The following GUCY1A2 variants were observed in gnomAD, a reference collection of about 807,000 sequenced individuals.
GUCY1A2 encodes the protein guanylate cyclase 1 soluble subunit alpha 2.
Under a neutral mutation model 63.5 loss-of-function variants are expected in GUCY1A2, and 27 were observed. The ratio of observed to expected loss-of-function variants is 0.43; its 90% CI spans 0.31 to 0.59. GUCY1A2 has a LOEUF of 0.59. GUCY1A2 is among the 20% of genes least tolerant of loss of function. GUCY1A2 has a pLI of 0.11. For missense variants in GUCY1A2, 768 were observed against 913.3 expected, an observed-to-expected ratio of 0.84 and a Z score of 2.05; for synonymous variants, 364 against 343.5, an observed-to-expected ratio of 1.06 and a Z score of -0.66.
chr11:106,896,007 T>C (rs1485726328), intron 4 of GUCY1A2, among the ~76,000 whole-genome samples: 2 of 132,182 alleles, frequency 1.5e-5, no homozygotes, highest in Non-Finnish European at 3.3e-5. Context: ...AGACTCTGTC[T>C]CAAAAAAAAA....
chr11:107,006,616 A>G (rs1160631840), intron 1 of GUCY1A2, among the ~76,000 whole-genome samples: 1 of 152,218 alleles, frequency 6.6e-6, no homozygotes, highest in East Asian at 1.9e-4. Flanking sequence ...AATATGAGAA[A>G]TGGTATGCAC....
chr11:106,898,006 G>T (rs760910700), intron 4 of GUCY1A2, among the ~76,000 whole-genome samples: 13 of 151,946 alleles, frequency 8.6e-5, no homozygotes, highest in Admixed American at 2.0e-4. Flanking sequence ...CAATATTAGG[G>T]AAACAACCCA....
chr11:106,680,822 A>T lies in GUCY1A2; in HGVS notation c.*6727T>A, dbSNP rs2000930. The T allele has an allele frequency of 0.24, 50,635 of 206,818 alleles. 6,417 individuals are homozygous for T. The highest frequency in any genetic ancestry group is 0.31 in the African/African-American group (13,411 of 43,840). 12.8% of individuals were successfully genotyped at this position (206,818 alleles called of 1,614,324 possible). A position where few individuals can be genotyped will look rare whatever the true frequency, so the allele number is the denominator to read the frequency against. ...CCACCATTCAAATGGGTTCATATTC[A>T]TGTTTAGGGGATTGTTTACCTTGCA... On this transcript the variant is annotated 3_prime_UTR_variant, in exon 8 of 8. Transcript: ENST00000526355.
In GUCY1A2 at chr11:106,682,624, C is replaced by T. The variant is rs528837337; in HGVS notation, c.*4925G>A. The T allele has an allele frequency of 8.0e-4, 170 of 211,956 alleles. No homozygotes were observed. Among genetic ancestry groups the T allele is most frequent in the Admixed American group, 2.2e-3 (37 of 17,016 alleles). The allele number at this position is 211,956 out of a possible 1,614,324, so 13.1% of individuals were successfully genotyped here. A position where few individuals can be genotyped will look rare whatever the true frequency, so the allele number is the denominator to read the frequency against. On this transcript the variant is annotated 3_prime_UTR_variant, in exon 8 of 8. Coordinates refer to ENST00000526355, the MANE Select transcript of GUCY1A2 (RefSeq NM_000855.3). ...AGAAATAAAGACACAAACTTTACTT[C>T]TCTGCATTCCCAAGTCCTTCCAAAG...
intron 7 of GUCY1A2, among the ~76,000 whole-genome samples, chr11:106,689,877 C>T (rs1862592196): frequency 6.6e-6 from 1 of 151,818 alleles, no homozygotes; most frequent in Non-Finnish European, 1.5e-5. Context: ...CCCCTGTAAT[C>T]CCAGCTACTT....
intron 4 of GUCY1A2, among the ~76,000 whole-genome samples, chr11:106,924,408 A>C (rs1860491606): frequency 6.6e-6 from 1 of 152,182 alleles, no homozygotes; most frequent in Non-Finnish European, 1.5e-5. Flanking sequence ...AGCCTATCAT[A>C]ATACTTTTTT....
intron 4 of GUCY1A2, among the ~76,000 whole-genome samples, chr11:106,901,123 T>C (rs770310247): frequency 1.1e-4 from 16 of 152,224 alleles, no homozygotes; most frequent in Non-Finnish European, 1.9e-4. Flanking sequence ...TATTATGTAA[T>C]ATCCTAAATC....
intron 4 of GUCY1A2, chr11:106,936,776 G>A (rs1860684052): frequency 2.4e-6 from 2 of 825,564 alleles, no homozygotes; most frequent in East Asian, 5.3e-5. Flanking sequence ...AAACAAAACA[G>A]TTAAATTATG....
chr11:106,786,040 C>A (rs1050938302), intron 5 of GUCY1A2, among the ~76,000 whole-genome samples: 1 of 152,248 alleles, frequency 6.6e-6, no homozygotes, highest in South Asian at 2.1e-4. Context: ...CTACAACAAC[C>A]AGTCCAAATG....
chr11:106,827,874 G>A, intron 4 of GUCY1A2: 23 of 1,591,396 alleles, frequency 1.4e-5, no homozygotes, highest in Non-Finnish European at 1.9e-5. Flanking sequence ...AGTCATGGGA[G>A]GGCGCGCTGC....
chr11:107,016,220 T>C (rs939135954), intron 1 of GUCY1A2, among the ~76,000 whole-genome samples: 18 of 152,160 alleles, frequency 1.2e-4, no homozygotes, highest in African/African-American at 4.3e-4. Flanking sequence ...GTGTTCAGAT[T>C]CATTTCGGAA....
chr11:106,969,684 A>G (rs890858836), intron 3 of GUCY1A2, among the ~76,000 whole-genome samples: 4 of 152,210 alleles, frequency 2.6e-5, no homozygotes, highest in Admixed American at 6.5e-5. Flanking sequence ...CAGGCCCACA[A>G]TCATGTTTCT....
chr11:106,753,417 G>A (rs1001279582), intron 6 of GUCY1A2, among the ~76,000 whole-genome samples: 2 of 151,990 alleles, frequency 1.3e-5, no homozygotes. Flanking sequence ...ATTGCTTTTG[G>A]TTTTAGTCAT....
intron 4 of GUCY1A2, among the ~76,000 whole-genome samples, chr11:106,851,184 G>T (rs1054886861): frequency 7.3e-5 from 11 of 149,914 alleles, no homozygotes; most frequent in South Asian, 4.2e-4. Context: ...TTTTAAATGG[G>T]TTTTTTTTTG....
intron 4 of GUCY1A2, among the ~76,000 whole-genome samples, chr11:106,852,088 G>C (rs576339678): frequency 6.6e-6 from 1 of 151,702 alleles, no homozygotes; most frequent in South Asian, 2.1e-4. Context: ...TTTATTCCTA[G>C]GTATTTTTTG....
At chr11:106,803,458 A>C (rs889156022) in intron 5 of GUCY1A2, among the ~76,000 whole-genome samples, 1 of 152,178 alleles carries the variant, frequency 6.6e-6, no homozygotes, top group African/African-American at 2.4e-5. Context: ...CAAATAAATA[A>C]GCATTTTATC....
intron 1 of GUCY1A2, among the ~76,000 whole-genome samples, chr11:107,017,279 C>T (rs2120227789): frequency 6.6e-6 from 1 of 152,208 alleles, no homozygotes; most frequent in Middle Eastern, 3.4e-3. Flanking sequence ...GAAGGTCACG[C>T]TAAGACCAAG....
At chr11:106,905,403 T>C (rs576786619) in intron 4 of GUCY1A2, among the ~76,000 whole-genome samples, 7 of 152,224 alleles carry the variant, frequency 4.6e-5, no homozygotes, top group African/African-American at 1.4e-4. Flanking sequence ...GATGGTAGCA[T>C]TGTCAGGTTC....
chr11:106,778,223 G>A (rs777798189), intron 5 of GUCY1A2, among the ~76,000 whole-genome samples: 29 of 152,078 alleles, frequency 1.9e-4, no homozygotes, highest in Non-Finnish European at 3.7e-4. Context: ...TGTACTAAAT[G>A]CACAATTCCA....
Sources: gnomAD v4.1 joint callset for allele counts (sites outside exome capture counted in the v4.1 genomes callset) on GRCh38, gnomAD v4.1.1 for gene constraint, MANE v1.5 for transcripts, NCBI Gene and HGNC (gene_info 2026-07-23, HGNC 2026-07-21) for gene names.